PATJ: variants seen among roughly 807,000 people sequenced by gnomAD.
The protein encoded by PATJ is inaD-like protein.
PATJ carries 190 observed loss-of-function variants against 224.9 expected under a neutral mutation model. The ratio of observed to expected loss-of-function variants is 0.84; its 90% CI spans 0.75 to 0.95. PATJ has a LOEUF of 0.95. Ranked by LOEUF, PATJ falls within the 40% of genes least tolerant of loss-of-function variation. The pLI, the probability that PATJ is intolerant of heterozygous loss-of-function variation, is 0.00. For synonymous variants in PATJ, 769 were observed against 820.3 expected, an observed-to-expected ratio of 0.94 and a Z score of 1.07; for missense variants, 2,121 against 2,270.3, an observed-to-expected ratio of 0.93 and a Z score of 1.34.
intron 27 of PATJ, among the ~76,000 whole-genome samples, chr1:61,987,370 G>A (rs956495594): frequency 4.0e-5 from 6 of 151,858 alleles, no homozygotes; most frequent in African/African-American, 1.2e-4. Context: ...TATTTTGAGT[G>A]TATTGTCTTG....
At chr1:61,900,850 A>G (rs1373058226) in intron 23 of PATJ, among the ~76,000 whole-genome samples, 1 of 151,904 alleles carries the variant, frequency 6.6e-6, no homozygotes, top group African/African-American at 2.4e-5. Context: ...CGGCCTCCCA[A>G]AGTGCTGGGA....
At chr1:62,095,709 G>T (rs1361814589) in intron 33 of PATJ, among the ~76,000 whole-genome samples, 3 of 152,072 alleles carry the variant, frequency 2.0e-5, no homozygotes, top group Non-Finnish European at 4.4e-5. Flanking sequence ...CCCGGGAAAA[G>T]CAACAGTAGG....
In PATJ at chr1:61,984,531, A is replaced by G. The variant is rs568815400; in HGVS notation, c.3671-5637A>G. The stretch of plus-strand genomic sequence containing the variant: ...TGCTGAGCTTTATTCTGTTGAGCTT[A>G]TTTCATTCTCCCACAAAACAGAAAA... On this transcript the variant is annotated intron_variant, in intron 27 of 43. Transcript: ENST00000642238. Among the ~76,000 whole-genome samples the G allele has an allele frequency of 2.6e-5, 4 of 152,036 alleles. No individual in the cohort carries two copies. In the East Asian group the frequency reaches 5.8e-4, roughly 22 times the overall value.
intron 23 of PATJ, among the ~76,000 whole-genome samples, chr1:61,900,171 G>A (rs1376702409): frequency 1.3e-5 from 2 of 152,156 alleles, no homozygotes; most frequent in Admixed American, 1.3e-4. Context: ...ACTTTAAGAT[G>A]ATGAAAGTCT....
intron 4 of PATJ, among the ~76,000 whole-genome samples, chr1:61,768,596 C>T (rs1358708700): frequency 6.6e-6 from 1 of 151,932 alleles, no homozygotes; most frequent in Non-Finnish European, 1.5e-5. Flanking sequence ...ATCTATTTTC[C>T]TCATTTAAAA....
In PATJ at chr1:61,791,399, C is replaced by T. The variant is rs1311180452; in HGVS notation, c.1120C>T (p.Gln374Ter). 15 of 1,612,066 alleles carry T rather than the reference C, an allele frequency of 9.3e-6. No individual in the cohort carries two copies. The highest frequency in any genetic ancestry group is 1.3e-5 in the Non-Finnish European group (15 of 1,178,388). Residue 374 changes from glutamine to a stop codon, truncating the protein, a stop_gained, in exon 9 of 44, where the codon CAG (glutamine) becomes TAG (stop). Coordinates refer to ENST00000642238, the MANE Select transcript of PATJ (RefSeq NM_001350145.3). LOFTEE classifies it high-confidence loss of function. The part of the protein sequence containing the change: ...YNVELVRKDG[Q>*]SLGIRIVGYV... ...TGTTGAGCTTGTGAGAAAAGATGGG[C>T]AGAGTCTTGGAATTAGAATTGTTGG...
chr1:62,127,907 C>G, intron 39 of PATJ, 65 bp from the exon 40 acceptor site: 1 of 1,561,146 alleles, frequency 6.4e-7, no homozygotes, highest in Non-Finnish European at 8.8e-7. Flanking sequence ...AGCTATCTAT[C>G]TAGGGATAGT....
chr1:62,036,954 T>G (rs1165898339), intron 29 of PATJ, among the ~76,000 whole-genome samples: 4 of 151,310 alleles, frequency 2.6e-5, no homozygotes, highest in Non-Finnish European at 5.9e-5. Flanking sequence ...GAAAGGCATT[T>G]CAAGAAAAGG....
rs530132186 is a variant in PATJ, at chr1:62,022,668, A to C, written c.3959+4721A>C. Among the ~76,000 whole-genome samples the C allele has an allele frequency of 3.9e-5, 6 of 152,324 alleles. No homozygotes were observed. The South Asian group carries it at 1.0e-3, about 26-fold the overall frequency. On this transcript the variant is annotated intron_variant, in intron 29 of 43. Transcript: ENST00000642238. ...CACTATCAAAAATTGAATGTCATGT[A>C]TAACAACTCACTCTCCATTACTTAA...
At chr1:62,073,152 G>T (rs1657728723) in intron 31 of PATJ, 1 of 985,274 alleles carries the variant, frequency 1.0e-6, no homozygotes, top group Non-Finnish European at 1.2e-6. Context: ...TTATAGACCG[G>T]GTTCCAAAAG....
At position 61,936,148 on chromosome 1, in the gene PATJ, A is replaced by G. The variant is rs190200964; in HGVS notation, c.3670+8319A>G. Among the ~76,000 whole-genome samples the G allele has an allele frequency of 3.1e-3, 474 of 152,088 alleles. 1 individual carries two copies. The highest frequency in any genetic ancestry group is 0.011 in the African/African-American group (462 of 41,516). ...ATTTTAGAACATTTAGGACATTTTC[A>G]TCACACTTCCCCCCAAATCCCTACT... On this transcript the variant is annotated intron_variant, in intron 27 of 43. Transcript: ENST00000642238.
chr1:61,869,248 A>G (rs1338529846), intron 20 of PATJ, among the ~76,000 whole-genome samples: 1 of 149,128 alleles, frequency 6.7e-6, no homozygotes, highest in Non-Finnish European at 1.5e-5. Context: ...CTGGGACTAC[A>G]GGCGCCCGCC....
Position 61,825,600 on chromosome 1 carries a change from A to G in PATJ, c.1819-1822A>G, listed in dbSNP as rs535681498. On this transcript the variant is annotated intron_variant, in intron 15 of 43. Coordinates refer to ENST00000642238, the MANE Select transcript of PATJ (RefSeq NM_001350145.3). ...AGAACACTGTGCCAAGTCTCAGCCC[A>G]GAACAGCTATTTACAGCAGCTATAA... Among the ~76,000 whole-genome samples the G allele has an allele frequency of 7.2e-5, 11 of 152,294 alleles. No individual in the cohort carries two copies. In the South Asian group the frequency reaches 2.3e-3, roughly 32 times the overall value.
chr1:61,895,971 T>C (rs149728450), intron 22 of PATJ, among the ~76,000 whole-genome samples: 6 of 152,292 alleles, frequency 3.9e-5, no homozygotes, highest in African/African-American at 1.4e-4. Flanking sequence ...ATGTGAGACA[T>C]GGAGTCAAGG....
At position 62,163,290 on chromosome 1, in the gene PATJ, G is replaced by A. The variant is rs1669966520; in HGVS notation, c.*2236G>A. On this transcript the variant is annotated 3_prime_UTR_variant, in exon 44 of 44. Coordinates refer to ENST00000642238, the MANE Select transcript of PATJ (RefSeq NM_001350145.3). ...TAATGTATCCAAGATGTGCAATGTT[G>A]TTAGGATCTCATTCTTCAGTGCATG... 1 of 152,958 alleles carries A rather than the reference G, an allele frequency of 6.5e-6. No homozygotes were observed. The highest frequency in any genetic ancestry group is 1.5e-5 in the Non-Finnish European group (1 of 68,200). 9.5% of individuals were successfully genotyped at this position (152,958 alleles called of 1,614,324 possible).
chr1:61,881,094 AAAAAT>A (rs1050590352), intron 21 of PATJ, among the ~76,000 whole-genome samples: 9 of 152,240 alleles, frequency 5.9e-5, no homozygotes, highest in African/African-American at 1.2e-4. Flanking sequence ...ACCTTGTCTC[AAAAAT>A]AAAATAAAAT....
chr1:62,133,525 T>C (rs547414837), intron 41 of PATJ, among the ~76,000 whole-genome samples: 2 of 152,096 alleles, frequency 1.3e-5, no homozygotes, highest in African/African-American at 4.8e-5. Context: ...GAGGTTGCAG[T>C]AGCCGAGATT....
intron 35 of PATJ, 74 bp from the exon 36 acceptor site, chr1:62,116,458 C>A: frequency 6.7e-7 from 1 of 1,484,748 alleles, no homozygotes. Flanking sequence ...TGTGTGCATC[C>A]TGTCACACAC....
intron 27 of PATJ, among the ~76,000 whole-genome samples, chr1:61,932,302 C>A (rs1676151156): frequency 6.6e-6 from 1 of 152,156 alleles, no homozygotes; most frequent in Non-Finnish European, 1.5e-5. Context: ...ACTCTGAAAA[C>A]CGAAACCACT....
Sources: gnomAD v4.1 joint callset for allele counts (sites outside exome capture counted in the v4.1 genomes callset) on GRCh38, gnomAD v4.1.1 for gene constraint, MANE v1.5 for transcripts, NCBI Gene and HGNC (gene_info 2026-07-23, HGNC 2026-07-21) for gene names.